Variants in CUL3 observed in about 807,000 individuals in gnomAD.
CUL3 encodes the protein cullin 3, also known as cullin-3.
A neutral mutation model predicts 89.1 loss-of-function variants in CUL3; 19 were observed. The ratio of observed to expected loss-of-function variants is 0.21; its 90% CI spans 0.15 to 0.31. The LOEUF (loss-of-function observed/expected upper bound fraction) is 0.31, where lower values mean the gene tolerates loss of function less well. Ranked by LOEUF, CUL3 falls within the 10% of genes least tolerant of loss-of-function variation. The pLI, the probability that CUL3 is intolerant of heterozygous loss-of-function variation, is 1.00. For missense variants in CUL3, 469 were observed against 942.3 expected (o/e 0.50, Z 6.58); for synonymous variants, 351 against 308.4 (o/e 1.14, Z -1.45).
chr2:224,518,380 T>TA (rs1693144478), intron 3 of CUL3, among the ~76,000 whole-genome samples: 1 of 151,794 alleles, frequency 6.6e-6, no homozygotes, highest in African/African-American at 2.4e-5. Flanking sequence ...AGCTGATGGA[T>TA]ACTTTGGGTT....
chr2:224,513,433 T>TA, intron 5 of CUL3, 91 bp downstream of exon 5: 2 of 916,992 alleles, frequency 2.2e-6, no homozygotes, highest in Non-Finnish European at 3.3e-6. Context: ...GGGTCTCAGT[T>TA]AAAAAAGGTC....
intron 13 of CUL3, 119 bp downstream of exon 13, chr2:224,495,711 TAC>T (rs1692147400): frequency 2.7e-6 from 2 of 729,478 alleles, no homozygotes; most frequent in East Asian, 2.7e-5. Flanking sequence ...ATCCATTTTA[TAC>T]AGTTTTCTCT....
chr2:224,509,694 TAC>T lies in CUL3; in HGVS notation c.883+1658_883+1659del, dbSNP rs1337002640. 2.0e-5 allele frequency among the ~76,000 whole-genome samples: 3 copies of T among 152,266 alleles called. No homozygotes were observed. In the East Asian group the frequency reaches 5.8e-4, roughly 29 times the overall value. ...CTTTTACATACATCTCCACACAGGT[TAC>T]AGAGATGCTGTAATTCAGGTATGCC... is the stretch of plus-strand genomic sequence containing the variant. On this transcript the variant is annotated intron_variant, in intron 6 of 15. Transcript: ENST00000264414.
chr2:224,513,795 A>G (rs1345005239), intron 4 of CUL3, among the ~76,000 whole-genome samples, 157 bp from the exon 5 acceptor site: 2 of 152,224 alleles, frequency 1.3e-5, no homozygotes, highest in African/African-American at 4.8e-5. Flanking sequence ...GAAAGGATTT[A>G]GCCTAATTTT....
At chr2:224,511,183 AAGAC>A (rs1692812440) in intron 6 of CUL3, among the ~76,000 whole-genome samples, 167 bp downstream of exon 6, 2 of 152,334 alleles carry the variant, frequency 1.3e-5, no homozygotes, top group Non-Finnish European at 2.9e-5. Context: ...CTTCGTTAGT[AAGAC>A]AGAATCAAGC....
rs755967005 is a variant in CUL3 at position 224,495,848 on chromosome 2, T to C, written c.1826A>G (p.Glu609Gly). 3 of 1,610,776 alleles carry C rather than the reference T, an allele frequency of 1.9e-6. No homozygotes were observed. The highest frequency in any genetic ancestry group is 2.2e-5 in the South Asian group (2 of 90,766). ...AATCCATACCTCAAATGTGTATTTT[T>C]CTCTATTATTAAAGAGCATTAATAT... ...MTILMLFNNR[E>G]KYTFEEIQQE... The change falls in exon 13 of 16, where the codon GAA (glutamate) becomes GGA (glycine). Residue 609 changes from glutamate (E) to glycine (G), a missense_variant. Physicochemically the swap from Glu to Gly is moderately conservative, Grantham distance 98. Around this residue, in one of 4 missense-constraint regions of CUL3, gnomAD observed 370 missense variants for 733.2 expected, o/e 0.50. Transcript: ENST00000264414.
At chr2:224,536,754 T>C (rs927705321) in intron 2 of CUL3, among the ~76,000 whole-genome samples, 2 of 152,174 alleles carry the variant, frequency 1.3e-5, no homozygotes, top group Admixed American at 1.3e-4. Context: ...CTTAGTACCA[T>C]CCTCTCTGAT....
intron 2 of CUL3, among the ~76,000 whole-genome samples, chr2:224,542,753 G>A (rs1392914903): frequency 6.6e-6 from 1 of 152,082 alleles, no homozygotes; most frequent in Non-Finnish European, 1.5e-5. Flanking sequence ...ATAAATTAAT[G>A]TCCAAGCTGC....
chr2:224,523,942 C>A (rs1693367199), intron 3 of CUL3, among the ~76,000 whole-genome samples: 1 of 152,044 alleles, frequency 6.6e-6, no homozygotes, highest in South Asian at 2.1e-4. Flanking sequence ...TTAGTGAGTA[C>A]AGAATTTCAG....
chr2:224,523,386 A>G (rs1693341275), intron 3 of CUL3, among the ~76,000 whole-genome samples: 1 of 111,940 alleles, frequency 8.9e-6, no homozygotes, highest in African/African-American at 3.2e-5. Context: ...AAGAGTTACT[A>G]TAAAAAAAAA....
In CUL3 at chr2:224,526,585, C is replaced by CAAAAAAA. The variant is rs1166152595; in HGVS notation, c.378+8936_378+8942dup. Among the ~76,000 whole-genome samples the CAAAAAAA allele has an allele frequency of 3.4e-4, 9 of 26,152 alleles. 1 individual carries two copies. Among genetic ancestry groups the CAAAAAAA allele is most frequent in the Middle Eastern group, 0.023 (1 of 44 alleles). The allele number at this position is 26,152 out of a possible 152,430, so 17.2% of individuals were successfully genotyped here. ...TGGGCGACAGAGGGAGACTCCGTCT[C>CAAAAAAA]AAAAAAAAAAAAAAAAAAAAAAAAA... is the stretch of plus-strand genomic sequence containing the variant. On this transcript the variant is annotated intron_variant, in intron 3 of 15. Coordinates refer to ENST00000264414, the MANE Select transcript of CUL3 (RefSeq NM_003590.5).
chr2:224,478,557 G>T, intron 14 of CUL3: 1 of 413,600 alleles, frequency 2.4e-6, no homozygotes, highest in South Asian at 7.1e-5. Context: ...TTAACTTTGA[G>T]ATAATAAAGT....
At chr2:224,478,672 C>T (rs1691417029) in intron 14 of CUL3, 3 of 211,908 alleles carry the variant, frequency 1.4e-5, no homozygotes, top group African/African-American at 6.9e-5. Context: ...TTGCTTATGA[C>T]TATCAGAGGT....
In CUL3 at chr2:224,484,957, A is replaced by G. The variant is rs559032664; in HGVS notation, c.1843-2879T>C. Among the ~76,000 whole-genome samples, 5 of 152,258 alleles carry G rather than the reference A, an allele frequency of 3.3e-5. No homozygotes were observed. In the East Asian group the frequency reaches 9.7e-4, roughly 29 times the overall value. ...CTGGTTCATCTCAATGGGACTGGTTAGACAGTGGGTGCAGCCCACAGAGGG... is the reference window on the plus strand; with the variant it reads ...CTGGTTCATCTCAATGGGACTGGTTGGACAGTGGGTGCAGCCCACAGAGGG... On this transcript the variant is annotated intron_variant, in intron 13 of 15. Transcript: ENST00000264414.
chr2:224,568,562 T>A (rs537977505), intron 1 of CUL3, among the ~76,000 whole-genome samples: 2 of 152,370 alleles, frequency 1.3e-5, no homozygotes, highest in African/African-American at 4.8e-5. Context: ...GCAATTAATC[T>A]AATTTTTAAA....
At chr2:224,574,078 A>G (rs532889699) in intron 1 of CUL3, among the ~76,000 whole-genome samples, 1 of 152,354 alleles carries the variant, frequency 6.6e-6, no homozygotes, top group South Asian at 2.1e-4. Context: ...ACTTACAAAC[A>G]CATATGTGAA....
At chr2:224,521,323 A>G (rs1223555898) in intron 3 of CUL3, among the ~76,000 whole-genome samples, 1 of 152,166 alleles carries the variant, frequency 6.6e-6, no homozygotes, top group Non-Finnish European at 1.5e-5. Flanking sequence ...GTCACATTCA[A>G]CTCTGAAAGC....
intron 1 of CUL3, among the ~76,000 whole-genome samples, chr2:224,568,140 T>C (rs936119605): frequency 1.6e-4 from 24 of 152,214 alleles, no homozygotes; most frequent in African/African-American, 5.8e-4. Context: ...CTAGGTGTCA[T>C]AACCTCTAGG....
chr2:224,574,860 T>C (rs1471880785), intron 1 of CUL3, among the ~76,000 whole-genome samples: 4 of 152,204 alleles, frequency 2.6e-5, no homozygotes, highest in South Asian at 2.1e-4. Context: ...TTAGTTCCTT[T>C]ATTCAACATT....
Sources: gnomAD v4.1 joint callset for allele counts (sites outside exome capture counted in the v4.1 genomes callset) on GRCh38, gnomAD v4.1.1 for gene constraint, gnomAD v4.1.1 regional missense constraint, MANE v1.5 for transcripts, NCBI Gene and HGNC (gene_info 2026-07-23, HGNC 2026-07-21) for gene names.